The following PDE4D variants were observed in gnomAD, a reference collection of about 807,000 sequenced individuals.
PDE4D encodes the protein phosphodiesterase 4D, also known as 3',5'-cyclic-AMP phosphodiesterase 4D.
In PDE4D, 24 loss-of-function variants were observed where a neutral mutation model predicts 87.4. The ratio of observed to expected loss-of-function variants is 0.27; its 90% CI spans 0.20 to 0.39. The LOEUF (loss-of-function observed/expected upper bound fraction) is 0.39. Ranked by LOEUF, PDE4D falls within the 10% of genes least tolerant of loss-of-function variation. PDE4D has a pLI of 1.00. For synonymous variants in PDE4D, 384 were observed against 383.2 expected (o/e 1.00, Z -0.02); for missense variants, 714 against 1,041.0 (o/e 0.69, Z 4.32).
intron 5 of PDE4D, among the ~76,000 whole-genome samples, chr5:59,136,443 T>G (rs1413028559): frequency 6.6e-6 from 1 of 152,200 alleles, no homozygotes; most frequent in Non-Finnish European, 1.5e-5. Flanking sequence ...ATGCCTGCAG[T>G]GTTATTTGTA....
At chr5:59,034,918 T>C (rs2153388643) in intron 6 of PDE4D, among the ~76,000 whole-genome samples, 1 of 152,342 alleles carries the variant, frequency 6.6e-6, no homozygotes, top group Middle Eastern at 3.4e-3. Context: ...GTCTTGGGAA[T>C]AACTCAAAAT....
intron 2 of PDE4D, among the ~76,000 whole-genome samples, chr5:60,001,799 T>A (rs1764040712): frequency 2.0e-5 from 3 of 150,152 alleles, no homozygotes; most frequent in Admixed American, 1.3e-4. Context: ...TGATTGAAAT[T>A]AACTTGTCAT....
intron 1 of PDE4D, among the ~76,000 whole-genome samples, chr5:59,854,434 T>C (rs1745120720): frequency 6.6e-6 from 1 of 152,116 alleles, no homozygotes; most frequent in Admixed American, 6.6e-5. Flanking sequence ...TCCTTTTTAA[T>C]TATCTTCATT....
chr5:59,753,204 A>G (rs1282830751), intron 1 of PDE4D, among the ~76,000 whole-genome samples: 2 of 152,212 alleles, frequency 1.3e-5, no homozygotes, highest in East Asian at 1.9e-4. Flanking sequence ...GGAAGGAGCT[A>G]GTGGCACAAA....
At chr5:59,489,268 A>C (rs945152298) in intron 1 of PDE4D, among the ~76,000 whole-genome samples, 3 of 141,258 alleles carry the variant, frequency 2.1e-5, no homozygotes, top group East Asian at 3.9e-4. Context: ...CATCTCAAAA[A>C]AAAAAAACAA....
rs568572835 is a variant in PDE4D at position 59,357,881 on chromosome 5, C to CT, written c.456-141914_456-141913insA. 1.4e-3 allele frequency among the ~76,000 whole-genome samples: 214 copies of CT among 152,270 alleles called. 2 individuals carry two copies. The highest frequency in any genetic ancestry group is 1.8e-3 in the Non-Finnish European group (121 of 68,016). On this transcript the variant is annotated intron_variant, in intron 1 of 14. Transcript: ENST00000340635. ...CAGTCTGTATCCAAACACTGCCCCG[C>CT]GGGTGACCTCAACTGTAAACCAAGG...
chr5:60,342,346 A>G (rs1444623426), intron 1 of PDE4D, among the ~76,000 whole-genome samples: 1 of 152,120 alleles, frequency 6.6e-6, no homozygotes, highest in Non-Finnish European at 1.5e-5. Context: ...ACCATGTATT[A>G]ATAGTAGTGG....
intron 1 of PDE4D, among the ~76,000 whole-genome samples, chr5:59,574,135 TATATATATAA>T (rs1184534917): frequency 0.029 from 101 of 3,452 alleles, 2 homozygotes; most frequent in East Asian, 0.11. Context: ...TATTTATATA[TATATATATAA>T]ATATATATTT....
upstream of PDE4D, among the ~76,000 whole-genome samples, chr5:59,894,889 C>T (rs774073376): frequency 2.1e-4 from 32 of 152,204 alleles, no homozygotes; most frequent in Non-Finnish European, 4.6e-4. Flanking sequence ...TATATAGACA[C>T]TTTTTTCCCT....
chr5:60,238,035 CTCTTT>C (rs1299476605), intron 1 of PDE4D, among the ~76,000 whole-genome samples: 1 of 151,904 alleles, frequency 6.6e-6, no homozygotes, highest in African/African-American at 2.4e-5. Context: ...GATTTCCACC[CTCTTT>C]TAATTATTTT....
intron 1 of PDE4D, among the ~76,000 whole-genome samples, chr5:59,764,819 C>T (rs1762588788): frequency 6.6e-6 from 1 of 151,856 alleles, no homozygotes; most frequent in Non-Finnish European, 1.5e-5. Flanking sequence ...CCATGCCTGG[C>T]TAATTTTTTG....
chr5:59,447,968 C>A (rs1336125755), intron 1 of PDE4D, among the ~76,000 whole-genome samples: 2 of 152,146 alleles, frequency 1.3e-5, no homozygotes, highest in Non-Finnish European at 2.9e-5. Flanking sequence ...TATCATCCAG[C>A]CAAGAACAAG....
At chr5:59,518,051 C>A (rs536777683) in intron 1 of PDE4D, among the ~76,000 whole-genome samples, 129 of 152,080 alleles carry the variant, frequency 8.5e-4, no homozygotes, top group African/African-American at 3.1e-3. Flanking sequence ...CTTCCTATTC[C>A]AGTCAGTATT....
intron 3 of PDE4D, among the ~76,000 whole-genome samples, chr5:59,934,919 T>G (rs915025615): frequency 6.6e-6 from 1 of 152,136 alleles, no homozygotes; most frequent in Admixed American, 6.6e-5. Flanking sequence ...ATATTGAAGT[T>G]GGAGAGACGA....
intron 1 of PDE4D, among the ~76,000 whole-genome samples, chr5:60,260,835 G>A (rs1043617516): frequency 6.6e-6 from 1 of 152,052 alleles, no homozygotes; most frequent in Non-Finnish European, 1.5e-5. Context: ...TTTAAAAACA[G>A]GATAGATTAA....
intron 1 of PDE4D, among the ~76,000 whole-genome samples, chr5:60,406,554 T>C (rs896047901): frequency 6.6e-6 from 1 of 152,228 alleles, no homozygotes; most frequent in African/African-American, 2.4e-5. Context: ...ATGATTTTCC[T>C]GTAAATGTGC....
At chr5:60,027,227 T>A (rs1432967827) in intron 2 of PDE4D, among the ~76,000 whole-genome samples, 2 of 152,122 alleles carry the variant, frequency 1.3e-5, no homozygotes, top group Admixed American at 1.3e-4. Flanking sequence ...CTCCACTCCC[T>A]CCCTCTTCCC....
chr5:59,737,832 A>T (rs35341364), intron 1 of PDE4D, among the ~76,000 whole-genome samples: 6,019 of 152,254 alleles, frequency 0.04, 140 homozygotes, highest in Middle Eastern at 0.058. Context: ...AGTTATGCAC[A>T]TTCACATACA....
chr5:59,053,335 A>G (rs1267886262), intron 5 of PDE4D, among the ~76,000 whole-genome samples: 4 of 149,898 alleles, frequency 2.7e-5, no homozygotes, highest in African/African-American at 9.9e-5. Context: ...TTTTCTTCCA[A>G]TTGTCTGAAA....
Sources: allele counts gnomAD v4.1 joint callset (sites outside exome capture counted in the v4.1 genomes callset), GRCh38; gene constraint gnomAD v4.1.1; transcripts MANE v1.5; gene names NCBI Gene and HGNC (gene_info 2026-07-23, HGNC 2026-07-21).